DMXL1: variants seen among roughly 807,000 people sequenced by gnomAD.
DMXL1 encodes the protein Dmx like 1.
Under a neutral mutation model 319.2 loss-of-function variants are expected in DMXL1, and 99 were observed. The ratio of observed to expected loss-of-function variants is 0.31; its 90% CI spans 0.26 to 0.37. The LOEUF (loss-of-function observed/expected upper bound fraction) is 0.37, where lower values mean the gene tolerates loss of function less well. DMXL1 is among the 10% of genes least tolerant of loss of function. The pLI is 1.00. For missense variants in DMXL1, 3,745 were observed against 3,595.6 expected (o/e 1.04, Z -1.06); for synonymous variants, 1,385 against 1,235.2 (o/e 1.12, Z -2.54).
intron 19 of DMXL1, among the ~76,000 whole-genome samples, chr5:119,164,151 CCAAA>C (rs1434439973): frequency 2.6e-5 from 4 of 150,982 alleles, no homozygotes; most frequent in African/African-American, 7.3e-5. Context: ...CAAATGTTGA[CCAAA>C]CAAAGGTGAA....
chr5:119,228,964 A>G lies in DMXL1; in HGVS notation c.8338+4195A>G, dbSNP rs183224155. Reference sequence around the variant, plus strand: ...TAATAATAATGTTAATATTAACATTAGGTCTTAGGTAATCAAAGACCTAAA... The same window carrying G: ...TAATAATAATGTTAATATTAACATTGGGTCTTAGGTAATCAAAGACCTAAA... On this transcript the variant is annotated intron_variant, in intron 38 of 43. Coordinates refer to ENST00000539542, the MANE Select transcript of DMXL1 (RefSeq NM_001290321.3). Among the ~76,000 whole-genome samples the G allele has an allele frequency of 5.3e-5, 8 of 152,178 alleles. No individual in the cohort carries two copies. In the East Asian group the frequency reaches 1.5e-3, roughly 29 times the overall value.
At chr5:119,148,216 T>TGTA (rs1397639171) in intron 17 of DMXL1, among the ~76,000 whole-genome samples, 3 of 152,136 alleles carry the variant, frequency 2.0e-5, no homozygotes, top group Non-Finnish European at 4.4e-5. Flanking sequence ...AAGTGACCAT[T>TGTA]CAGTACTTAA....
chr5:119,161,918 C>T (rs149867052), intron 19 of DMXL1, among the ~76,000 whole-genome samples: 6 of 152,304 alleles, frequency 3.9e-5, no homozygotes, highest in East Asian at 1.9e-4. Flanking sequence ...CTACCACCAA[C>T]GTCTGCAGGC....
chr5:119,092,999 T>A (rs1320387438), intron 1 of DMXL1, among the ~76,000 whole-genome samples: 2 of 152,150 alleles, frequency 1.3e-5, no homozygotes, highest in Non-Finnish European at 2.9e-5. Context: ...TCAGTTTTCT[T>A]GAATACAGGC....
chr5:119,156,226 A>G (rs776621227), intron 19 of DMXL1, among the ~76,000 whole-genome samples: 12 of 152,212 alleles, frequency 7.9e-5, no homozygotes, highest in Non-Finnish European at 1.3e-4. Context: ...CATCAGCAAA[A>G]ATTATGACTT....
At chr5:119,246,002 C>A (rs1446606464) in intron 43 of DMXL1, among the ~76,000 whole-genome samples, 1 of 151,796 alleles carries the variant, frequency 6.6e-6, no homozygotes, top group Non-Finnish European at 1.5e-5. Context: ...AGTAAAGAAA[C>A]GTTTAGAAAA....
chr5:119,119,066 G>A, intron 8 of DMXL1, 62 bp downstream of exon 8: 1 of 1,109,766 alleles, frequency 9.0e-7, no homozygotes, highest in East Asian at 2.6e-5. Context: ...TTGCCTTTTT[G>A]GTAACACAGT....
At chr5:119,081,536 A>G (rs976009021) in intron 1 of DMXL1, 47 of 979,556 alleles carry the variant, frequency 4.8e-5, no homozygotes, top group Non-Finnish European at 5.7e-5. Flanking sequence ...ATTAACAGGT[A>G]TATATAGTTG....
At position 119,167,676 on chromosome 5, in the gene DMXL1, C is replaced by G; in HGVS notation, c.5210C>G (p.Thr1737Arg). The G allele has an allele frequency of 3.7e-6, 6 of 1,612,948 alleles. No individual in the cohort carries two copies. Among genetic ancestry groups the G allele is most frequent in the Non-Finnish European group, 5.1e-6 (6 of 1,179,276 alleles). Reference sequence around the variant, plus strand: ...AGACTCTATGAGTCTGAATTTGATACATCTGCAGCATATAAATCTATTTTA... The same window carrying G: ...AGACTCTATGAGTCTGAATTTGATAGATCTGCAGCATATAAATCTATTTTA... ...IARLYESEFDTSAAYKSILRK... is the reference protein window; with the variant it reads ...IARLYESEFDRSAAYKSILRK... Residue 1737 changes from threonine (T) to arginine (R), a missense_variant, in exon 23 of 44, where the codon ACA becomes AGA. By Grantham distance (71) the Thr-to-Arg change is moderately conservative. This residue lies in a region of DMXL1 where 1,382 missense variants were observed against 1,269.5 expected (regional missense o/e 1.09). Transcript: ENST00000539542.
At position 119,130,487 on chromosome 5, in the gene DMXL1, C is replaced by T. The variant is rs1764622991; in HGVS notation, c.1315+1064C>T. Among the ~76,000 whole-genome samples the T allele has an allele frequency of 6.6e-5, 10 of 152,214 alleles. No homozygotes were observed. The South Asian group carries it at 2.1e-3, about 32-fold the overall frequency. ...CCTCCCGAGTAGCTAGGATTACAGG[C>T]ATCCGCCACCACACCTGGCTAATTT... On this transcript the variant is annotated intron_variant, in intron 10 of 43. Coordinates refer to ENST00000539542, the MANE Select transcript of DMXL1 (RefSeq NM_001290321.3).
At chr5:119,136,401 G>C (rs1358969874) in intron 13 of DMXL1, among the ~76,000 whole-genome samples, 3 of 152,250 alleles carry the variant, frequency 2.0e-5, no homozygotes, top group Non-Finnish European at 4.4e-5. Flanking sequence ...TATGCAGCCT[G>C]ACCATGTGGT....
Position 119,239,875 on chromosome 5 carries a change from T to C in DMXL1, c.8652-544T>C, listed in dbSNP as rs191677828. Reference sequence around the variant, plus strand: ...TGGGGGCTGAGGCAGGAGAATCGCTTGAACCTGGGAGGCAGAGGTTGCAGT... The same window carrying C: ...TGGGGGCTGAGGCAGGAGAATCGCTCGAACCTGGGAGGCAGAGGTTGCAGT... On this transcript the variant is annotated intron_variant, in intron 41 of 43. Transcript: ENST00000539542. Among the ~76,000 whole-genome samples, 304 of 150,242 alleles carry C rather than the reference T, an allele frequency of 2.0e-3. 3 individuals carry two copies. Among genetic ancestry groups the C allele is most frequent in the African/African-American group, 7.1e-3 (289 of 40,842 alleles).
intron 9 of DMXL1, among the ~76,000 whole-genome samples, chr5:119,124,690 T>C (rs1368600813): frequency 6.6e-6 from 1 of 151,172 alleles, no homozygotes; most frequent in Admixed American, 6.6e-5. Flanking sequence ...CTCAGCCTCC[T>C]GAGTAGCTGG....
intron 21 of DMXL1, among the ~76,000 whole-genome samples, chr5:119,166,388 G>A (rs1172575132): frequency 6.6e-6 from 1 of 152,144 alleles, no homozygotes; most frequent in African/African-American, 2.4e-5. Context: ...TCCTGCTAAT[G>A]TAGTTTTCTT....
At chr5:119,204,637 T>C (rs1295828097) in intron 33 of DMXL1, among the ~76,000 whole-genome samples, 2 of 151,996 alleles carry the variant, frequency 1.3e-5, no homozygotes, top group African/African-American at 4.8e-5. Flanking sequence ...GTTTCTTTCA[T>C]TGGGTAAGTT....
At chr5:119,193,543 T>C (rs952225106) in intron 29 of DMXL1, among the ~76,000 whole-genome samples, 6 of 152,146 alleles carry the variant, frequency 3.9e-5, no homozygotes, top group African/African-American at 1.4e-4. Context: ...TCCAGTAACA[T>C]GTAAAAAGTA....
chr5:119,148,647 TAGTTAA>T (rs1264247833), intron 17 of DMXL1, 86 bp from the exon 18 acceptor site: 1 of 1,212,338 alleles, frequency 8.2e-7, no homozygotes, highest in African/African-American at 1.5e-5. Context: ...ATATTTATAG[TAGTTAA>T]TACAAAAGAC....
In DMXL1 at chr5:119,166,631, C is replaced by A. The variant is rs1165057698; in HGVS notation, c.4986C>A (p.Thr1662=). ...IWGLYRAEKN[T]RMTQFFGHNF... is the part of the protein sequence containing the mutation. Reference sequence around the variant, plus strand: ...TCCTTTATAGAGCTGAAAAAAACACCAGGATGACACAGTTTTTTGGACACA... The same window carrying A: ...TCCTTTATAGAGCTGAAAAAAACACAAGGATGACACAGTTTTTTGGACACA... Residue 1662 remains threonine (T), a synonymous_variant, in exon 22 of 44, where the codon ACC becomes ACA. Transcript: ENST00000539542. 2.5e-6 allele frequency: 4 copies of A among 1,604,120 alleles called. No homozygotes were observed. The highest frequency in any genetic ancestry group is 3.4e-6 in the Non-Finnish European group (4 of 1,176,872).
chr5:119,126,832 G>T, intron 9 of DMXL1: 1 of 161,052 alleles, frequency 6.2e-6, no homozygotes, highest in Admixed American at 6.5e-5. Context: ...GTTGAGTTGA[G>T]CTTCTCAGTT....
Sources: gnomAD v4.1 joint callset for allele counts (sites outside exome capture counted in the v4.1 genomes callset) on GRCh38, gnomAD v4.1.1 for gene constraint, gnomAD v4.1.1 regional missense constraint, MANE v1.5 for transcripts, NCBI Gene and HGNC (gene_info 2026-07-23, HGNC 2026-07-21) for gene names.